Variants in XCR1 observed in about 807,000 individuals in gnomAD.
XCR1 encodes the protein X-C motif chemokine receptor 1.
For missense variants in XCR1, 356 were observed against 424.2 expected (o/e 0.84, Z 1.41); for synonymous variants, 187 against 188.5 (o/e 0.99, Z 0.06).
intron 1 of XCR1, among the ~76,000 whole-genome samples, chr3:46,080,920 C>A (rs1234081509): frequency 1.3e-5 from 2 of 152,144 alleles, no homozygotes; most frequent in Non-Finnish European, 2.9e-5. Flanking sequence ...GGGACATTTT[C>A]CTTTACCTTT....
At chr3:46,079,164 T>C (rs1698314641) in intron 1 of XCR1, among the ~76,000 whole-genome samples, 2 of 152,184 alleles carry the variant, frequency 1.3e-5, no homozygotes, top group East Asian at 3.9e-4. Flanking sequence ...AGCGCTCTTT[T>C]AAGGGACAAC....
At chr3:46,048,147 T>G (rs1429962665) in intron 5 of XCR1, among the ~76,000 whole-genome samples, 2 of 152,170 alleles carry the variant, frequency 1.3e-5, no homozygotes, top group African/African-American at 4.8e-5. Flanking sequence ...GCGGTATAAT[T>G]AATGACATTA....
intron 1 of XCR1, among the ~76,000 whole-genome samples, chr3:46,077,476 A>G (rs1698282353): frequency 6.6e-6 from 1 of 152,002 alleles, no homozygotes; most frequent in African/African-American, 2.4e-5. Flanking sequence ...CTGATTCTAC[A>G]TTATGGTGAG....
chr3:46,058,658 C>CCA (rs1044659203), intron 4 of XCR1, among the ~76,000 whole-genome samples: 5 of 152,160 alleles, frequency 3.3e-5, no homozygotes, highest in Admixed American at 6.5e-5. Context: ...AGCGATCCTC[C>CCA]CACCTCAGCC....
intron 4 of XCR1, among the ~76,000 whole-genome samples, chr3:46,059,844 T>C (rs1426727702): frequency 6.6e-6 from 1 of 152,324 alleles, no homozygotes; most frequent in Admixed American, 6.5e-5. Flanking sequence ...TTTATATCTA[T>C]ATCTATCTTT....
intron 5 of XCR1, among the ~76,000 whole-genome samples, chr3:46,046,953 G>A (rs1697642392): frequency 6.6e-6 from 1 of 152,232 alleles, no homozygotes; most frequent in South Asian, 2.1e-4. Context: ...TATATTTTAA[G>A]TTGGTTACAC....
chr3:46,054,814 T>C (rs990194698), intron 4 of XCR1, among the ~76,000 whole-genome samples: 4 of 152,102 alleles, frequency 2.6e-5, no homozygotes, highest in African/African-American at 7.2e-5. Flanking sequence ...GAAGCAATCA[T>C]GATGAATGAG....
chr3:46,063,452 C>A (rs1296896427), intron 4 of XCR1, among the ~76,000 whole-genome samples: 1 of 152,174 alleles, frequency 6.6e-6, no homozygotes, highest in Non-Finnish European at 1.5e-5. Context: ...ACTCCACTTT[C>A]TTTTTCCCCC....
intron 4 of XCR1, among the ~76,000 whole-genome samples, chr3:46,061,974 C>T (rs1220861390): frequency 3.3e-5 from 5 of 152,082 alleles, no homozygotes; most frequent in African/African-American, 1.2e-4. Context: ...CCCCGGAACC[C>T]CTAAGGGAAG....
chr3:46,056,657 T>C (rs1377512779), intron 4 of XCR1, among the ~76,000 whole-genome samples: 1 of 97,590 alleles, frequency 1.0e-5, no homozygotes, highest in African/African-American at 7.4e-5. Context: ...TATTTATTTA[T>C]TTTTTTTTTT....
At chr3:46,046,869 A>G (rs1697639789) in intron 5 of XCR1, among the ~76,000 whole-genome samples, 1 of 152,232 alleles carries the variant, frequency 6.6e-6, no homozygotes, top group African/African-American at 2.4e-5. Context: ...ATTCACCAAT[A>G]TCAAAGGTGA....
intron 4 of XCR1, among the ~76,000 whole-genome samples, chr3:46,065,231 G>A (rs1698044959): frequency 6.6e-6 from 1 of 152,322 alleles, no homozygotes; most frequent in South Asian, 2.1e-4. Context: ...ACTTTGTTAT[G>A]TAGCAATAGT....
At chr3:46,080,597 CCAAA>C (rs1454171594) in intron 1 of XCR1, among the ~76,000 whole-genome samples, 2 of 152,028 alleles carry the variant, frequency 1.3e-5, no homozygotes, top group Non-Finnish European at 2.9e-5. Context: ...AGCCCCCCTG[CCAAA>C]CAAACAAACA....
At chr3:46,055,801 G>A (rs1312223002) in intron 4 of XCR1, among the ~76,000 whole-genome samples, 2 of 152,224 alleles carry the variant, frequency 1.3e-5, no homozygotes, top group Non-Finnish European at 2.9e-5. Context: ...GAAACATGGA[G>A]TTAAGGGAGC....
intron 1 of XCR1, among the ~76,000 whole-genome samples, chr3:46,078,808 CTTTGCAGAG>C (rs1698305952): frequency 1.3e-5 from 2 of 152,190 alleles, no homozygotes; most frequent in African/African-American, 4.8e-5. Context: ...TGACTGGAGA[CTTTGCAGAG>C]TTTGCAGAGT....
intron 4 of XCR1, among the ~76,000 whole-genome samples, chr3:46,061,351 G>A (rs993099242): frequency 2.0e-5 from 3 of 152,214 alleles, no homozygotes; most frequent in Non-Finnish European, 4.4e-5. Context: ...GTGAGTGTAA[G>A]TCCATGTTGC....
chr3:46,057,882 G>GTCTGTCTA (rs1553634097), intron 4 of XCR1, among the ~76,000 whole-genome samples: 186 of 134,868 alleles, frequency 1.4e-3, no homozygotes, highest in African/African-American at 4.6e-3. Context: ...TTATCTGTCT[G>GTCTGTCTA]TCTATCTATC....
chr3:46,053,883 T>C (rs2125899739), intron 5 of XCR1, among the ~76,000 whole-genome samples: 1 of 142,128 alleles, frequency 7.0e-6, no homozygotes, highest in African/African-American at 2.7e-5. Context: ...AGTACTACTT[T>C]AAGGCACTGC....
At chr3:46,076,095 G>T (rs1312549485) in intron 2 of XCR1, among the ~76,000 whole-genome samples, 1 of 152,206 alleles carries the variant, frequency 6.6e-6, no homozygotes, top group Non-Finnish European at 1.5e-5. Context: ...GGGCCACCAA[G>T]ATTTTTTAAC....
Sources: allele counts gnomAD v4.1 joint callset (sites outside exome capture counted in the v4.1 genomes callset), GRCh38; gene constraint gnomAD v4.1.1; transcripts MANE v1.5; gene names NCBI Gene and HGNC (gene_info 2026-07-23, HGNC 2026-07-21).